The following ACOXL variants were observed in gnomAD, a reference collection of about 807,000 sequenced individuals.
ACOXL encodes acyl-coenzyme A oxidase-like protein.
Under a neutral mutation model 71.9 loss-of-function variants are expected in ACOXL, and 70 were observed. The ratio of observed to expected loss-of-function variants is 0.97; its 90% CI spans 0.80 to 1.19. The LOEUF (loss-of-function observed/expected upper bound fraction) is 1.19, where lower values mean the gene tolerates loss of function less well. Ranked by LOEUF, ACOXL falls within the 50% of genes most tolerant of loss-of-function variation. The probability of loss-of-function intolerance (pLI) is 0.00; values close to 1 mark genes in which losing one functional copy is unlikely to be tolerated. For missense variants in ACOXL, 703 were observed against 736.3 expected (o/e 0.95, Z 0.52); for synonymous variants, 253 against 281.6 (o/e 0.90, Z 1.02).
At chr2:110,748,733 A>T (rs1678554548) in intron 1 of ACOXL, among the ~76,000 whole-genome samples, 1 of 152,146 alleles carries the variant, frequency 6.6e-6, no homozygotes, top group Non-Finnish European at 1.5e-5. Flanking sequence ...TGCGGTGTTT[A>T]TGCAGCTGTG....
intron 10 of ACOXL, among the ~76,000 whole-genome samples, chr2:110,905,252 G>A (rs1361513149): frequency 6.6e-6 from 1 of 152,128 alleles, no homozygotes; most frequent in East Asian, 1.9e-4. Flanking sequence ...AATTTGGGGA[G>A]AGGGCATGTG....
chr2:110,930,946 C>T (rs147988385), intron 11 of ACOXL, among the ~76,000 whole-genome samples: 9 of 152,316 alleles, frequency 5.9e-5, no homozygotes, highest in Admixed American at 4.6e-4. Context: ...TATGAAAACA[C>T]TAATACAGTT....
chr2:110,899,505 T>C (rs889754121), intron 10 of ACOXL, among the ~76,000 whole-genome samples: 1 of 152,112 alleles, frequency 6.6e-6, no homozygotes, highest in Non-Finnish European at 1.5e-5. Flanking sequence ...AAGGCCTGGA[T>C]CCAGAGAGGA....
Position 111,117,763 on chromosome 2 carries a change from C to A in ACOXL, c.1690C>A (p.Arg564=), listed in dbSNP as rs763709576. The A allele has an allele frequency of 1.1e-5, 17 of 1,551,408 alleles. No homozygotes were observed. In the South Asian group the frequency reaches 2.0e-4, roughly 18 times the overall value. Residue 564 remains arginine (R), a synonymous_variant, in exon 18 of 18, where the codon CGG becomes AGG. Transcript: ENST00000439055. ...TTTCTACCCTGCACCGCTGCAGCCG[C>A]GGCCACGGGAAGAGGCGCGCTCCCG... The part of the protein sequence containing the change: ...WAFYPAPLQP[R]PREEARSRRP...
chr2:110,819,178 A>T (rs1688315905), intron 9 of ACOXL, among the ~76,000 whole-genome samples: 1 of 152,164 alleles, frequency 6.6e-6, no homozygotes, highest in Admixed American at 6.5e-5. Flanking sequence ...GCAAATGTCC[A>T]ATAGATTGGT....
chr2:111,057,208 G>T (rs1482143983), intron 16 of ACOXL, among the ~76,000 whole-genome samples: 1 of 152,162 alleles, frequency 6.6e-6, no homozygotes, highest in Non-Finnish European at 1.5e-5. Context: ...TGTGCATGCT[G>T]GTGGTGTCGA....
rs112777752 is a variant in ACOXL at position 111,059,832 on chromosome 2, G to A, written c.1440+10544G>A. Among the ~76,000 whole-genome samples, 544 of 151,366 alleles carry A rather than the reference G, an allele frequency of 3.6e-3. 9 individuals are homozygous for A. The East Asian group carries it at 0.046, about 13-fold the overall frequency. ...GAGGAGGAGAAGGAAGAGGAAGAGA[G>A]AAAGGAAGAAGAGGAGAAGAAGAGG... is the stretch of plus-strand genomic sequence containing the variant. On this transcript the variant is annotated intron_variant, in intron 16 of 17. Transcript: ENST00000439055.
intron 14 of ACOXL, among the ~76,000 whole-genome samples, chr2:111,023,618 G>A (rs549862417): frequency 3.3e-5 from 5 of 152,164 alleles, no homozygotes; most frequent in African/African-American, 7.2e-5. Context: ...GCTGCTGAGC[G>A]TTAGGTGGTC....
intron 17 of ACOXL, among the ~76,000 whole-genome samples, chr2:111,098,112 G>A (rs1467929976): frequency 6.6e-6 from 1 of 152,214 alleles, no homozygotes; most frequent in Non-Finnish European, 1.5e-5. Flanking sequence ...GGTGTGATAT[G>A]ATGAAAAGAA....
chr2:110,822,271 A>G (rs1488532063), intron 9 of ACOXL, among the ~76,000 whole-genome samples: 7 of 152,308 alleles, frequency 4.6e-5, no homozygotes, highest in Middle Eastern at 3.4e-3. Flanking sequence ...TAAGCTAAAC[A>G]TGAGTTCACA....
intron 12 of ACOXL, among the ~76,000 whole-genome samples, chr2:110,958,532 A>T (rs1270815595): frequency 6.6e-6 from 1 of 152,242 alleles, no homozygotes; most frequent in African/African-American, 2.4e-5. Flanking sequence ...ATGGACACAG[A>T]AGCTTGTGAA....
chr2:110,839,976 GTTGTTGTTGTTGT>G (rs367640959), intron 9 of ACOXL, among the ~76,000 whole-genome samples: 86 of 152,088 alleles, frequency 5.7e-4, no homozygotes, highest in Non-Finnish European at 1.1e-3. Context: ...GCTTAGGTTT[GTTGTTGTTGTTGT>G]TTGTTGTTGT....
intron 2 of ACOXL, among the ~76,000 whole-genome samples, chr2:110,783,687 A>T (rs890406902): frequency 6.6e-6 from 1 of 151,958 alleles, no homozygotes; most frequent in Non-Finnish European, 1.5e-5. Flanking sequence ...ACATGCATAC[A>T]TGGACACATG....
chr2:110,752,014 TTTC>T (rs1297491413), intron 1 of ACOXL, among the ~76,000 whole-genome samples: 15 of 151,614 alleles, frequency 9.9e-5, no homozygotes, highest in Admixed American at 5.3e-4. Context: ...TCTTTCTTTC[TTTC>T]TTCTTCTTTT....
intron 14 of ACOXL, among the ~76,000 whole-genome samples, chr2:111,024,810 G>A (rs2064944459): frequency 6.6e-6 from 1 of 151,726 alleles, no homozygotes; most frequent in Non-Finnish European, 1.5e-5. Flanking sequence ...GAGGTTACAT[G>A]TCTAACCCTA....
At chr2:110,844,460 T>G (rs1691541704) in intron 10 of ACOXL, among the ~76,000 whole-genome samples, 1 of 152,090 alleles carries the variant, frequency 6.6e-6, no homozygotes, top group African/African-American at 2.4e-5. Context: ...GGTCAGGGCT[T>G]TTCTTCCCCT....
intron 9 of ACOXL, among the ~76,000 whole-genome samples, chr2:110,810,404 C>T (rs958904060): frequency 2.0e-5 from 3 of 152,104 alleles, no homozygotes; most frequent in Non-Finnish European, 2.9e-5. Context: ...TCATGGAAAT[C>T]GTTTTACTCT....
chr2:110,980,770 G>A (rs896585174), intron 12 of ACOXL, among the ~76,000 whole-genome samples: 4 of 152,118 alleles, frequency 2.6e-5, no homozygotes, highest in Non-Finnish European at 4.4e-5. Flanking sequence ...CACCCTGGCC[G>A]CCCAGGCTTC....
At chr2:110,778,367 A>G (rs73956450) in intron 2 of ACOXL, among the ~76,000 whole-genome samples, 1,859 of 152,352 alleles carry the variant, frequency 0.012, 42 homozygotes, top group African/African-American at 0.043. Flanking sequence ...CACATACACA[A>G]TTGCAAAATT....
Sources: gnomAD v4.1 joint callset for allele counts (sites outside exome capture counted in the v4.1 genomes callset) on GRCh38, gnomAD v4.1.1 for gene constraint, MANE v1.5 for transcripts, NCBI Gene and HGNC (gene_info 2026-07-23, HGNC 2026-07-21) for gene names.